The following ANKS1B variants were observed in gnomAD, a reference collection of about 807,000 sequenced individuals.
ANKS1B encodes ankyrin repeat and sterile alpha motif domain containing 1B.
A neutral mutation model predicts 148.3 loss-of-function variants in ANKS1B; 36 were observed. The observed-to-expected ratio is 0.24, with a 90% CI of 0.19 to 0.32. The LOEUF (loss-of-function observed/expected upper bound fraction) is 0.32, where lower values mean the gene tolerates loss of function less well. Ranked by LOEUF, ANKS1B falls within the 10% of genes least tolerant of loss-of-function variation. The pLI is 1.00. For synonymous variants in ANKS1B, 542 were observed against 560.8 expected (o/e 0.97, Z 0.47); for missense variants, 1,157 against 1,542.6 (o/e 0.75, Z 4.19).
At chr12:99,155,523 T>G (rs2075931439) in intron 14 of ANKS1B, among the ~76,000 whole-genome samples, 1 of 152,104 alleles carries the variant, frequency 6.6e-6, no homozygotes, top group African/African-American at 2.4e-5. Flanking sequence ...GCTATAAAGG[T>G]AACATTAACT....
rs114807135 is a variant in ANKS1B at position 99,361,263 on chromosome 12, A to T, written c.1756+38368T>A. Among the ~76,000 whole-genome samples the T allele has an allele frequency of 2.6e-3, 398 of 150,940 alleles. 5 individuals are homozygous for T. The highest frequency in any genetic ancestry group is 9.1e-3 in the African/African-American group (370 of 40,806). On this transcript the variant is annotated intron_variant, in intron 12 of 26. Transcript: ENST00000683438. ...AATAATATATACCTACTATGTAACC[A>T]CAAACATTAAAAATAAAAAAAATTA...
At chr12:99,055,540 C>A (rs372752028) in intron 16 of ANKS1B, among the ~76,000 whole-genome samples, 13 of 152,304 alleles carry the variant, frequency 8.5e-5, no homozygotes, top group African/African-American at 2.9e-4. Flanking sequence ...ATCTGACACA[C>A]AGAGGGTGTT....
At chr12:99,010,754 A>AT (rs1188712852) in intron 17 of ANKS1B, among the ~76,000 whole-genome samples, 16 of 127,098 alleles carry the variant, frequency 1.3e-4, no homozygotes, top group East Asian at 8.4e-4. Context: ...TATTATTATT[A>AT]TTATTATTTT....
rs1236194958 is a variant in ANKS1B, at chr12:99,402,810, T to C, written c.1576-2999A>G. ...ATGACGTGTCTTTGTAATAGAATGA[T>C]TTATGTTCTTTTGGGTATATACGCA... On this transcript the variant is annotated intron_variant, in intron 11 of 26. Transcript: ENST00000683438. Among the ~76,000 whole-genome samples the C allele has an allele frequency of 2.1e-5, 3 of 146,106 alleles. 1 individual carries two copies. The highest frequency in any genetic ancestry group is 7.8e-5 in the African/African-American group (3 of 38,484).
intron 12 of ANKS1B, among the ~76,000 whole-genome samples, chr12:99,303,697 AG>A (rs2081980865): frequency 6.6e-6 from 1 of 152,070 alleles, no homozygotes; most frequent in African/African-American, 2.4e-5. Context: ...TAAGTTCTTC[AG>A]TGGTGATTTC....
intron 9 of ANKS1B, among the ~76,000 whole-genome samples, chr12:98,737,926 A>G (rs1294490239): frequency 6.6e-6 from 1 of 152,222 alleles, no homozygotes; most frequent in East Asian, 1.9e-4. Flanking sequence ...ATTTTCTAAT[A>G]ATTCTTAGTC....
chr12:99,853,427 C>T (rs2088350073), intron 1 of ANKS1B, among the ~76,000 whole-genome samples: 1 of 152,138 alleles, frequency 6.6e-6, no homozygotes, highest in Admixed American at 6.5e-5. Flanking sequence ...TAGACACTCC[C>T]CAGTACCAGC....
chr12:99,067,584 G>A (rs560746575), intron 16 of ANKS1B, among the ~76,000 whole-genome samples: 4 of 152,224 alleles, frequency 2.6e-5, no homozygotes, highest in South Asian at 4.1e-4. Flanking sequence ...CATGGTCAGC[G>A]GTAGTCTAGT....
At chr12:99,769,199 A>C (rs1474889974) in intron 8 of ANKS1B, among the ~76,000 whole-genome samples, 1 of 151,924 alleles carries the variant, frequency 6.6e-6, no homozygotes, top group Non-Finnish European at 1.5e-5. Flanking sequence ...CTCAGTTCTG[A>C]CTCATCATCT....
chr12:99,873,690 C>A (rs2091781141), intron 1 of ANKS1B, among the ~76,000 whole-genome samples: 1 of 152,258 alleles, frequency 6.6e-6, no homozygotes, highest in Non-Finnish European at 1.5e-5. Context: ...TATGTGTCAA[C>A]TGGGCTAGGC....
chr12:99,527,671 A>C (rs2096940429), intron 9 of ANKS1B, among the ~76,000 whole-genome samples: 1 of 152,188 alleles, frequency 6.6e-6, no homozygotes, highest in Non-Finnish European at 1.5e-5. Context: ...TCAGAATCCC[A>C]ACTCTGCCTT....
At chr12:99,474,432 C>G (rs896231088) in intron 10 of ANKS1B, among the ~76,000 whole-genome samples, 4 of 151,842 alleles carry the variant, frequency 2.6e-5, no homozygotes, top group African/African-American at 9.7e-5. Context: ...TTAATAAAAT[C>G]AAGTATATCA....
chr12:99,261,404 C>T (rs1329305238), intron 12 of ANKS1B, among the ~76,000 whole-genome samples: 2 of 152,112 alleles, frequency 1.3e-5, no homozygotes, highest in Admixed American at 1.3e-4. Flanking sequence ...CATTCAAGTG[C>T]TCCAGGGCTT....
intron 12 of ANKS1B, among the ~76,000 whole-genome samples, chr12:99,396,724 C>T (rs1046556735): frequency 6.6e-6 from 1 of 151,958 alleles, no homozygotes; most frequent in African/African-American, 2.4e-5. Context: ...TGGGACTAGA[C>T]CTAAATTTCT....
intron 12 of ANKS1B, among the ~76,000 whole-genome samples, chr12:99,382,590 C>G (rs1184776967): frequency 6.6e-6 from 1 of 151,472 alleles, no homozygotes; most frequent in African/African-American, 2.4e-5. Context: ...CCCAGCTGCT[C>G]CAGAGGCTGA....
At chr12:98,966,491 C>T (rs1157393642) in intron 17 of ANKS1B, among the ~76,000 whole-genome samples, 1 of 152,118 alleles carries the variant, frequency 6.6e-6, no homozygotes, top group African/African-American at 2.4e-5. Context: ...GACAGTGTGG[C>T]GATTCCTCAA....
chr12:99,707,842 T>A lies in ANKS1B; in HGVS notation c.1129-52632A>T, dbSNP rs556822277. ...CTATATTGCTAAAGGAAAAAAAAAG[T>A]GTGGTTATTTGTTACTTAGCTGTCC... On this transcript the variant is annotated intron_variant, in intron 8 of 26. Coordinates refer to ENST00000683438, the MANE Select transcript of ANKS1B (RefSeq NM_001352186.2). Among the ~76,000 whole-genome samples, 35 of 152,202 alleles carry A rather than the reference T, an allele frequency of 2.3e-4. 1 individual carries two copies. Among genetic ancestry groups the A allele is most frequent in the African/African-American group, 7.9e-4 (33 of 41,548 alleles).
At chr12:99,288,198 A>C (rs2079403046) in intron 12 of ANKS1B, among the ~76,000 whole-genome samples, 1 of 152,082 alleles carries the variant, frequency 6.6e-6, no homozygotes, top group Admixed American at 6.6e-5. Flanking sequence ...ATACAAAAGA[A>C]CTTCAATATG....
At chr12:98,850,618 C>T (rs1291204207) in intron 17 of ANKS1B, among the ~76,000 whole-genome samples, 9 of 151,876 alleles carry the variant, frequency 5.9e-5, no homozygotes, top group Admixed American at 1.3e-4. Context: ...CTGGCACACG[C>T]CGCCACGCTC....
Sources: allele counts gnomAD v4.1 joint callset (sites outside exome capture counted in the v4.1 genomes callset), GRCh38; gene constraint gnomAD v4.1.1; transcripts MANE v1.5; gene names NCBI Gene and HGNC (gene_info 2026-07-23, HGNC 2026-07-21).